The following RHPN2 variants were observed in gnomAD, a reference collection of about 807,000 sequenced individuals.
The protein encoded by RHPN2 is rhophilin Rho GTPase binding protein 2, also known as rhophilin-2.
RHPN2 carries 40 observed loss-of-function variants against 79.0 expected under a neutral mutation model. That is an observed-to-expected ratio of 0.51 (90% CI 0.39 to 0.66). RHPN2 has a LOEUF of 0.66. Among genes scored for constraint, RHPN2 ranks in the 30% least tolerant of loss-of-function variants. The pLI, the probability that RHPN2 is intolerant of heterozygous loss-of-function variation, is 0.00. For synonymous variants in RHPN2, 285 were observed against 363.5 expected (o/e 0.78, Z 2.46); for missense variants, 686 against 883.5 (o/e 0.78, Z 2.83).
Position 33,008,068 on chromosome 19 carries a change from G to A in RHPN2, c.706C>T (p.Arg236Trp), listed in dbSNP as rs749683587. 36 of 1,613,384 alleles carry A rather than the reference G, an allele frequency of 2.2e-5. No individual in the cohort carries two copies. The African/African-American group carries it at 2.7e-4, about 12-fold the overall frequency. The change falls in exon 7 of 15, where the codon CGG (arginine) becomes TGG (tryptophan). Residue 236 changes from arginine (R) to tryptophan (W), a missense_variant. Arg to Trp is a moderately radical substitution (Grantham distance 101, BLOSUM62 -3). Coordinates refer to ENST00000254260, the MANE Select transcript of RHPN2 (RefSeq NM_033103.5). ...LYTQIGTRCD[R>W]QTQAGLESAI... is the part of the protein sequence containing the mutation. ...CTCTCCAGCCCAGCCTGCGTCTGCC[G>A]ATCACACCGGGTCCCAATCTGGGTG... is the stretch of plus-strand genomic sequence containing the variant.
intron 3 of RHPN2, among the ~76,000 whole-genome samples, chr19:33,024,093 A>C (rs1433353270): frequency 6.6e-6 from 1 of 152,188 alleles, no homozygotes; most frequent in Non-Finnish European, 1.5e-5. Flanking sequence ...ACACCAGAGC[A>C]TAGGCTGGGA....
chr19:32,996,357 C>T (rs971855132), intron 10 of RHPN2, 137 bp from the exon 11 acceptor site: 19 of 823,346 alleles, frequency 2.3e-5, no homozygotes, highest in Non-Finnish European at 3.2e-5. Context: ...TGATACCCTA[C>T]CTTGTTTTAA....
At chr19:33,049,367 A>G (rs1283331875) in intron 1 of RHPN2, among the ~76,000 whole-genome samples, 1 of 151,982 alleles carries the variant, frequency 6.6e-6, no homozygotes, top group African/African-American at 2.4e-5. Context: ...TAATAACGAG[A>G]CCTTAGCCCT....
intron 4 of RHPN2, among the ~76,000 whole-genome samples, chr19:33,014,658 A>G (rs1380755141): frequency 6.6e-6 from 1 of 152,104 alleles, no homozygotes; most frequent in Non-Finnish European, 1.5e-5. Context: ...GGTGGCTCAC[A>G]CCTGTAATCC....
chr19:33,016,959 G>C (rs1971883078), intron 4 of RHPN2, among the ~76,000 whole-genome samples: 1 of 152,192 alleles, frequency 6.6e-6, no homozygotes, highest in Non-Finnish European at 1.5e-5. Flanking sequence ...AATGGCAGTT[G>C]GCCATGTCCA....
chr19:32,999,496 C>G (rs1971731071), intron 10 of RHPN2, 90 bp downstream of exon 10: 3 of 1,520,076 alleles, frequency 2.0e-6, no homozygotes, highest in African/African-American at 2.8e-5. Flanking sequence ...CTCTCCCGGG[C>G]CCTCTTCAGG....
chr19:33,057,329 C>G (rs961736664), intron 1 of RHPN2, among the ~76,000 whole-genome samples: 1 of 151,740 alleles, frequency 6.6e-6, no homozygotes, highest in Non-Finnish European at 1.5e-5. Context: ...GATGACACAG[C>G]AACACCCTGT....
intron 1 of RHPN2, among the ~76,000 whole-genome samples, chr19:33,048,828 G>A (rs1358672424): frequency 1.3e-5 from 2 of 149,760 alleles, no homozygotes; most frequent in East Asian, 3.9e-4. Flanking sequence ...CAAAAATGAC[G>A]ACGATTCAGT....
At chr19:33,050,300 T>C (rs1276273594) in intron 1 of RHPN2, among the ~76,000 whole-genome samples, 1 of 152,200 alleles carries the variant, frequency 6.6e-6, no homozygotes, top group East Asian at 1.9e-4. Context: ...ATCTGAGCCC[T>C]GGATCAAGCT....
intron 7 of RHPN2, among the ~76,000 whole-genome samples, 166 bp from the exon 8 acceptor site, chr19:33,003,166 T>G (rs1227659699): frequency 6.6e-6 from 1 of 151,856 alleles, no homozygotes; most frequent in Non-Finnish European, 1.5e-5. Flanking sequence ...AAGACCAGCG[T>G]GGGCAACGTG....
intron 6 of RHPN2, among the ~76,000 whole-genome samples, chr19:33,009,871 C>G (rs759244090): frequency 6.6e-6 from 1 of 152,036 alleles, no homozygotes; most frequent in Non-Finnish European, 1.5e-5. Flanking sequence ...CTCCACTTCC[C>G]GGATTCAAGT....
rs985942012 is a variant in RHPN2, at chr19:33,014,244, AACAG to A, written c.391-1524_391-1521del. Reference sequence around the variant, plus strand: ...TGTGTGTTCAACATACAGACACACAAACAGACAAACACTTGTCTTACAAAAATGG... The same window carrying A: ...TGTGTGTTCAACATACAGACACACAAACAAACACTTGTCTTACAAAAATGG... On this transcript the variant is annotated intron_variant, in intron 4 of 14. Coordinates refer to ENST00000254260, the MANE Select transcript of RHPN2 (RefSeq NM_033103.5). Among the ~76,000 whole-genome samples, 350 of 152,260 alleles carry A rather than the reference AACAG, an allele frequency of 2.3e-3. 1 individual carries two copies. Among genetic ancestry groups the A allele is most frequent in the African/African-American group, 8.0e-3 (334 of 41,566 alleles).
chr19:33,040,437 A>G (rs1480282868), intron 2 of RHPN2, among the ~76,000 whole-genome samples: 1 of 151,564 alleles, frequency 6.6e-6, no homozygotes, highest in African/African-American at 2.4e-5. Flanking sequence ...ATGGGGTTTC[A>G]CCATGTTGGC....
intron 1 of RHPN2, among the ~76,000 whole-genome samples, chr19:33,060,541 T>C (rs990508229): frequency 5.9e-5 from 9 of 152,018 alleles, no homozygotes; most frequent in African/African-American, 1.9e-4. Context: ...TTTGTTTGTT[T>C]GTTTTTTGTG....
chr19:33,018,927 A>T (rs1971900273), intron 4 of RHPN2, among the ~76,000 whole-genome samples: 1 of 151,130 alleles, frequency 6.6e-6, no homozygotes, highest in African/African-American at 2.4e-5. Context: ...CCTACTCAGG[A>T]GGCTGAAGCA....
rs1275479098 is a variant in RHPN2 at position 33,021,443 on chromosome 19, A to G, written c.390+128T>C. The G allele has an allele frequency of 2.3e-5, 17 of 745,842 alleles. 1 individual carries two copies. Among genetic ancestry groups the G allele is most frequent in the Non-Finnish European group, 3.6e-5 (15 of 419,564 alleles). 46.2% of individuals were successfully genotyped at this position (745,842 alleles called of 1,614,324 possible). Reference sequence around the variant, plus strand: ...ATGATCACAACTCACTGCAGCCTCCAGTTCCTGGGCTCAAGCGATCCTCTT... The same window carrying G: ...ATGATCACAACTCACTGCAGCCTCCGGTTCCTGGGCTCAAGCGATCCTCTT... On this transcript the variant is annotated intron_variant, in intron 4 of 14. Transcript: ENST00000254260.
At position 33,002,983 on chromosome 19, in the gene RHPN2, T is replaced by C. The variant is rs1568313169; in HGVS notation, c.778A>G (p.Lys260Glu). Residue 260 changes from lysine to glutamate, a missense_variant, in exon 8 of 15, where the codon AAA (lysine) becomes GAA (glutamate). By Grantham distance (56) the Lys-to-Glu change is moderately conservative (BLOSUM62 1). Coordinates refer to ENST00000254260, the MANE Select transcript of RHPN2 (RefSeq NM_033103.5). ...CTTGGAGTATGGGTAAATGTGTCTT[T>C]CAGGTAATTTAAAACCCCTAAAAGT... ...QRAAGVLNYLKDTFTHTPSYD... is the reference protein window; with the variant it reads ...QRAAGVLNYLEDTFTHTPSYD... The C allele has an allele frequency of 1.9e-6, 3 of 1,613,922 alleles. No individual in the cohort carries two copies. Among genetic ancestry groups the C allele is most frequent in the East Asian group, 4.5e-5 (2 of 44,876 alleles).
chr19:33,015,399 T>C (rs543908554), intron 4 of RHPN2, among the ~76,000 whole-genome samples: 2 of 152,068 alleles, frequency 1.3e-5, no homozygotes, highest in South Asian at 4.2e-4. Flanking sequence ...CACTCCAGCT[T>C]GGATGACAGA....
chr19:33,040,961 A>C (rs945024008), intron 2 of RHPN2, among the ~76,000 whole-genome samples: 4 of 152,264 alleles, frequency 2.6e-5, no homozygotes, highest in African/African-American at 9.6e-5. Flanking sequence ...TGTCTCAAAA[A>C]AAACAAACAA....
Sources: allele counts gnomAD v4.1 joint callset (sites outside exome capture counted in the v4.1 genomes callset), GRCh38; gene constraint gnomAD v4.1.1; transcripts MANE v1.5; gene names NCBI Gene and HGNC (gene_info 2026-07-23, HGNC 2026-07-21).